The following GNA13 variants were observed in gnomAD, a reference collection of about 807,000 sequenced individuals.
The protein encoded by GNA13 is guanine nucleotide-binding protein subunit alpha-13.
Under a neutral mutation model 33.5 loss-of-function variants are expected in GNA13, and 4 were observed. The observed-to-expected ratio is 0.12, with a 90% CI of 0.06 to 0.27. The LOEUF (loss-of-function observed/expected upper bound fraction) is 0.27, where lower values mean the gene tolerates loss of function less well. Among genes scored for constraint, GNA13 ranks in the 10% least tolerant of loss-of-function variants. The pLI, the probability that GNA13 is intolerant of heterozygous loss-of-function variation, is 1.00. For synonymous variants in GNA13, 176 were observed against 183.8 expected, an observed-to-expected ratio of 0.96 and a Z score of 0.34; for missense variants, 319 against 487.2, an observed-to-expected ratio of 0.65 and a Z score of 3.25.
chr17:65,031,882 G>A (rs957062363), intron 2 of GNA13, among the ~76,000 whole-genome samples: 3 of 128,570 alleles, frequency 2.3e-5, no homozygotes, highest in South Asian at 2.7e-4. Context: ...GAGAGAGAGA[G>A]AGAGAGAGAG....
chr17:65,044,773 G>A lies in GNA13; in HGVS notation c.510+8729C>T, dbSNP rs74978108. On this transcript the variant is annotated intron_variant, in intron 2 of 3. Transcript: ENST00000439174. ...GTTCATAAAAAGTTAACAATAGGCC[G>A]GGCTCACGCCTGTAATCCCAACATT... Among the ~76,000 whole-genome samples, 596 of 150,974 alleles carry A rather than the reference G, an allele frequency of 3.9e-3. 8 individuals are homozygous for A. The highest frequency in any genetic ancestry group is 6.4e-3 in the Non-Finnish European group (432 of 67,738).
intron 2 of GNA13, among the ~76,000 whole-genome samples, chr17:65,031,812 G>T (rs1400266535): frequency 1.3e-5 from 2 of 150,740 alleles, no homozygotes; most frequent in Non-Finnish European, 3.0e-5. Flanking sequence ...AGGAGGCTGA[G>T]GTGAGGTAGG....
chr17:65,027,584 T>C (rs945969227), intron 2 of GNA13, among the ~76,000 whole-genome samples: 1 of 152,338 alleles, frequency 6.6e-6, no homozygotes, highest in African/African-American at 2.4e-5. Flanking sequence ...TTTTCTACAA[T>C]GTATTGTTCC....
At chr17:65,023,747 A>C (rs1906673398) in intron 2 of GNA13, among the ~76,000 whole-genome samples, 1 of 152,230 alleles carries the variant, frequency 6.6e-6, no homozygotes, top group Non-Finnish European at 1.5e-5. Flanking sequence ...TCTAAACTCT[A>C]ACTACAGTTC....
At chr17:65,055,728 C>T (rs539038919) in intron 1 of GNA13, 54 of 985,500 alleles carry the variant, frequency 5.5e-5, no homozygotes, top group Non-Finnish European at 6.3e-5. Context: ...AGGAGGCTGT[C>T]ACCCTACGCC....
At chr17:65,054,815 T>C (rs964400829) in intron 1 of GNA13, among the ~76,000 whole-genome samples, 2 of 152,162 alleles carry the variant, frequency 1.3e-5, no homozygotes, top group Non-Finnish European at 2.9e-5. Context: ...CTGCATCAGG[T>C]TACAAAGGTA....
At position 65,013,925 on chromosome 17, in the gene GNA13, G is replaced by C; in HGVS notation, c.*332C>G. ...GTATTTAAGGACACCTTTGATACTT[G>C]GCACTGCAGGAGAATTCAGTTTGGA... On this transcript the variant is annotated 3_prime_UTR_variant, in exon 4 of 4. Coordinates refer to ENST00000439174, the MANE Select transcript of GNA13 (RefSeq NM_006572.6). 3.3e-6 allele frequency: 1 copy of C among 304,520 alleles called. No homozygotes were observed. Among genetic ancestry groups the C allele is most frequent in the Non-Finnish European group, 6.2e-6 (1 of 162,220 alleles). 18.9% of individuals were successfully genotyped at this position (304,520 alleles called of 1,614,324 possible). A position where few individuals can be genotyped will look rare whatever the true frequency, so the allele number is the denominator to read the frequency against.
At chr17:65,019,362 G>A (rs910383250) in intron 2 of GNA13, among the ~76,000 whole-genome samples, 58 of 152,230 alleles carry the variant, frequency 3.8e-4, no homozygotes, top group Admixed American at 1.8e-3. Flanking sequence ...AGAGATATCT[G>A]CACCCCCACG....
intron 2 of GNA13, among the ~76,000 whole-genome samples, chr17:65,033,479 C>A (rs954360680): frequency 6.6e-6 from 1 of 151,086 alleles, no homozygotes; most frequent in African/African-American, 2.4e-5. Flanking sequence ...AAAATGAGAC[C>A]CTGCCTTTAA....
rs1908051885 is a variant in GNA13, at chr17:65,056,238, T to G, written c.283+73A>C. 7 of 947,046 alleles carry G rather than the reference T, an allele frequency of 7.4e-6. 2 individuals carry two copies. Among genetic ancestry groups the G allele is most frequent in the Non-Finnish European group, 1.1e-5 (7 of 647,718 alleles). The allele number at this position is 947,046 out of a possible 1,614,324, so 58.7% of individuals were successfully genotyped here. A position where few individuals can be genotyped will look rare whatever the true frequency, so the allele number is the denominator to read the frequency against. On this transcript the variant is annotated intron_variant, in intron 1 of 3. Coordinates refer to ENST00000439174, the MANE Select transcript of GNA13 (RefSeq NM_006572.6). Reference sequence around the variant, plus strand: ...CCAGCGACACAGCGGACCAGGGCGGTGCCCCGCCCCGCACCCGCCGCCGCC... The same window carrying G: ...CCAGCGACACAGCGGACCAGGGCGGGGCCCCGCCCCGCACCCGCCGCCGCC...
chr17:65,056,256 C>CCCCCCCCCCCCCCCCCCCCCCCCAAAAA, intron 1 of GNA13, 55 bp downstream of exon 1: 1 of 1,143,932 alleles, frequency 8.7e-7, no homozygotes. Flanking sequence ...CCCGCACCCG[C>CCCCCCCCCCCCCCCCCCCCCCCCAAAAA]CGCCGCCCCA....
At chr17:65,034,850 A>G (rs1907186070) in intron 2 of GNA13, among the ~76,000 whole-genome samples, 1 of 152,146 alleles carries the variant, frequency 6.6e-6, no homozygotes, top group Non-Finnish European at 1.5e-5. Flanking sequence ...CAATGGCACG[A>G]TCTCAGCTCA....
intron 3 of GNA13, among the ~76,000 whole-genome samples, 143 bp downstream of exon 3, chr17:65,018,092 TAAAAAAAAAAAAAAAAAA>T (rs767082596): frequency 0.013 from 288 of 21,482 alleles, 8 homozygotes; most frequent in Admixed American, 0.061. Flanking sequence ...ACGCCACCAC[TAAAAAAAAAAAAAAAAAA>T]AAAAAAAAAA....
chr17:65,018,705 C>T (rs1412054025), intron 2 of GNA13, among the ~76,000 whole-genome samples: 7 of 152,072 alleles, frequency 4.6e-5, no homozygotes, highest in African/African-American at 1.4e-4. Flanking sequence ...TTAATAGTGA[C>T]GATAGTTATC....
chr17:65,016,611 C>T (rs995762446), intron 3 of GNA13, among the ~76,000 whole-genome samples: 10 of 152,236 alleles, frequency 6.6e-5, no homozygotes, highest in Admixed American at 1.3e-4. Flanking sequence ...ATCCTCCCGC[C>T]TCAGCCTCCC....
At chr17:65,049,219 C>T (rs1038977526) in intron 2 of GNA13, among the ~76,000 whole-genome samples, 3 of 152,122 alleles carry the variant, frequency 2.0e-5, no homozygotes, top group African/African-American at 7.2e-5. Context: ...AAGCGATTCT[C>T]GTGCCTCAGT....
In GNA13 at chr17:65,025,044, T is replaced by C. The variant is rs374286041; in HGVS notation, c.511-6741A>G. Among the ~76,000 whole-genome samples, 12 of 152,186 alleles carry C rather than the reference T, an allele frequency of 7.9e-5. No individual in the cohort carries two copies. In the East Asian group the frequency reaches 2.3e-3, roughly 29 times the overall value. Reference sequence around the variant, plus strand: ...CCAGCGTAGGTGGGATTACAGGCACTTGCTACCATGCCTGGCTAATTGTTT... The same window carrying C: ...CCAGCGTAGGTGGGATTACAGGCACCTGCTACCATGCCTGGCTAATTGTTT... On this transcript the variant is annotated intron_variant, in intron 2 of 3. Coordinates refer to ENST00000439174, the MANE Select transcript of GNA13 (RefSeq NM_006572.6).
At chr17:65,044,629 C>T (rs1907587320) in intron 2 of GNA13, among the ~76,000 whole-genome samples, 1 of 151,080 alleles carries the variant, frequency 6.6e-6, no homozygotes, top group Non-Finnish European at 1.5e-5. Context: ...AGCAAAAACC[C>T]CATCTCTTAA....
chr17:65,042,726 G>A lies in GNA13; in HGVS notation c.510+10776C>T, dbSNP rs1907506106. On this transcript the variant is annotated intron_variant, in intron 2 of 3. Coordinates refer to ENST00000439174, the MANE Select transcript of GNA13 (RefSeq NM_006572.6). The stretch of plus-strand genomic sequence containing the variant: ...CACTCCAGCCTGGGCAACAGAGCGA[G>A]ACTCCATCTCAAAAAAAAAGAACTA... Among the ~76,000 whole-genome samples, 3 of 152,102 alleles carry A rather than the reference G, an allele frequency of 2.0e-5. No homozygotes were observed. The South Asian group carries it at 6.2e-4, about 32-fold the overall frequency.
Sources: gnomAD v4.1 joint callset for allele counts (sites outside exome capture counted in the v4.1 genomes callset) on GRCh38, gnomAD v4.1.1 for gene constraint, MANE v1.5 for transcripts, NCBI Gene and HGNC (gene_info 2026-07-23, HGNC 2026-07-21) for gene names.